The following RESF1 variants were observed in gnomAD, a reference collection of about 807,000 sequenced individuals.
RESF1 encodes the protein gonad expressed transcript.
RESF1 carries 65 observed loss-of-function variants against 134.7 expected under a neutral mutation model. The observed-to-expected ratio is 0.48, with a 90% confidence interval of 0.40 to 0.59. The LOEUF is 0.59. RESF1 is among the 20% of genes least tolerant of loss of function. The pLI, the probability that RESF1 is intolerant of heterozygous loss-of-function variation, is 0.00. For missense variants in RESF1, 2,274 were observed against 2,002.7 expected (o/e 1.14, Z -2.59); for synonymous variants, 762 against 702.2 (o/e 1.09, Z -1.35).
At chr12:31,966,617 C>T (rs1283226105) in intron 2 of RESF1, among the ~76,000 whole-genome samples, 1 of 152,110 alleles carries the variant, frequency 6.6e-6, no homozygotes, top group African/African-American at 2.4e-5. Flanking sequence ...TTTATTTCTC[C>T]CTTTTTTAGG....
chr12:31,979,142 G>C (rs980274881), intron 3 of RESF1, among the ~76,000 whole-genome samples: 4 of 151,946 alleles, frequency 2.6e-5, no homozygotes, highest in East Asian at 1.9e-4. Flanking sequence ...GGATGGTCTC[G>C]ATCTCCTGAC....
chr12:31,965,960 G>A (rs182263385), intron 2 of RESF1, among the ~76,000 whole-genome samples: 66 of 151,614 alleles, frequency 4.4e-4, no homozygotes, highest in Non-Finnish European at 7.4e-5. Flanking sequence ...GTCTTAATAT[G>A]GTTTGTACCC....
intron 4 of RESF1, 40 bp downstream of exon 4, chr12:31,985,997 A>G (rs1939965026): frequency 7.4e-7 from 1 of 1,344,964 alleles, no homozygotes; most frequent in African/African-American, 1.5e-5. Flanking sequence ...CAATATTGTA[A>G]AGAGTCGTAG....
In RESF1 at chr12:31,970,706, A is replaced by G. The variant is rs141471404; in HGVS notation, c.-79+350A>G. ...CTGATTAATGCATAACCTAACACTC[A>G]AAAGGGTGCTGCTTTATTTGTAAAT... On this transcript the variant is annotated intron_variant, in intron 3 of 5. Transcript: ENST00000312561. 2.8e-3 allele frequency among the ~76,000 whole-genome samples: 428 copies of G among 152,360 alleles called. 2 individuals are homozygous for G. The highest frequency in any genetic ancestry group is 0.01 in the African/African-American group (419 of 41,580).
intron 3 of RESF1, among the ~76,000 whole-genome samples, chr12:31,970,572 TTAAG>T (rs577235122): frequency 1.6e-3 from 237 of 152,360 alleles, no homozygotes; most frequent in African/African-American, 5.4e-3. Context: ...TTTGACAGTT[TTAAG>T]TAAACAAGCT....
At position 31,985,608 on chromosome 12, in the gene RESF1, T is replaced by TA. The variant is rs1939953486; in HGVS notation, c.4655dup (p.Thr1553AspfsTer2). 6.2e-7 allele frequency: 1 copy of TA among 1,605,382 alleles called. No individual in the cohort carries two copies. Among genetic ancestry groups the TA allele is most frequent in the Non-Finnish European group, 8.5e-7 (1 of 1,178,000 alleles). ...AGCAGCCTGATAAAATATGGATTGA[T>TA]AAGACTAAATTAGACAAATTAACCA... On this transcript the variant is annotated frameshift_variant, in exon 4 of 6. Transcript: ENST00000312561. LOFTEE classifies it high-confidence loss of function.
chr12:31,986,110 G>A (rs1307405351), intron 4 of RESF1, among the ~76,000 whole-genome samples, 153 bp downstream of exon 4: 1 of 152,088 alleles, frequency 6.6e-6, no homozygotes, highest in African/African-American at 2.4e-5. Context: ...GTAAACCAAT[G>A]TTTCATTGGG....
rs116674332 is a variant in RESF1 at position 31,961,526 on chromosome 12, C to T, written c.-247+655C>T. 8.0e-3 allele frequency among the ~76,000 whole-genome samples: 1,215 copies of T among 152,280 alleles called. 14 individuals carry two copies. The highest frequency in any genetic ancestry group is 0.028 in the African/African-American group (1,148 of 41,546). ...AACAGCTCCTGATGCATGGCAAGTG[C>T]CCAATAAATGTTAGCTATTGTCATG... On this transcript the variant is annotated intron_variant, in intron 2 of 5. Transcript: ENST00000312561.
At chr12:31,973,312 CTTTTT>C (rs112386514) in intron 3 of RESF1, among the ~76,000 whole-genome samples, 1 of 147,648 alleles carries the variant, frequency 6.8e-6, no homozygotes, top group African/African-American at 2.5e-5. Flanking sequence ...ATGGATTTGA[CTTTTT>C]TTTTTTTAAG....
chr12:31,984,955 C>A lies in RESF1; in HGVS notation c.4000C>A (p.Leu1334Ile), dbSNP rs1304412578. 10 of 1,613,032 alleles carry A rather than the reference C, an allele frequency of 6.2e-6. No individual in the cohort carries two copies. Among genetic ancestry groups the A allele is most frequent in the Non-Finnish European group, 7.6e-6 (9 of 1,179,762 alleles). Residue 1334 changes from leucine (L) to isoleucine (I), a missense_variant, in exon 4 of 6, where the codon CTA becomes ATA. Leu to Ile is a conservative substitution (Grantham distance 5). Coordinates refer to ENST00000312561, the MANE Select transcript of RESF1 (RefSeq NM_018169.4). ...KKHVTQNSRP[L>I]KTKTAFLPNK... The stretch of plus-strand genomic sequence containing the variant: ...ACATGTAACACAGAACTCACGTCCA[C>A]TAAAAACAAAAACAGCTTTTTTGCC...
At position 31,982,902 on chromosome 12, in the gene RESF1, T is replaced by C; in HGVS notation, c.1947T>C (p.Phe649=). ...GTGGCAGGGTTTTGGACAACTCCTT[T>C]TGCAGTGGACAAGAATCCTCAACAA... ...NVSGRVLDNS[F]CSGQESSTKG... is the part of the protein sequence containing the mutation. The change falls in exon 4 of 6, where the codon TTT becomes TTC. Residue 649 remains phenylalanine (F), a synonymous_variant. Transcript: ENST00000312561. 1.2e-6 allele frequency: 2 copies of C among 1,614,088 alleles called. No individual in the cohort carries two copies. Among genetic ancestry groups the C allele is most frequent in the South Asian group, 1.1e-5 (1 of 91,068 alleles).
chr12:31,967,750 A>C (rs1592251184), intron 2 of RESF1, among the ~76,000 whole-genome samples: 1 of 151,918 alleles, frequency 6.6e-6, no homozygotes, highest in Non-Finnish European at 1.5e-5. Context: ...GCTTGCTGCC[A>C]CCACCCAGCG....
intron 4 of RESF1, 63 bp downstream of exon 4, chr12:31,986,020 G>C (rs1041374131): frequency 8.9e-6 from 10 of 1,124,292 alleles, no homozygotes; most frequent in Admixed American, 6.7e-5. Context: ...CAATATTTGG[G>C]CTAGCACCTC....
rs777502281 is a variant in RESF1 at position 31,983,953 on chromosome 12, C to T, written c.2998C>T (p.His1000Tyr). ...RVILEKSSLE[H>Y]ATEKSTANDT... ...TATTCTAGAGAAAAGTAGTTTGGAG[C>T]ATGCCACTGAAAAAAGCACAGCTAA... The change falls in exon 4 of 6, where the codon CAT becomes TAT. Residue 1000 changes from histidine (H) to tyrosine (Y), a missense_variant. His to Tyr is a moderately conservative substitution (Grantham distance 83). Coordinates refer to ENST00000312561, the MANE Select transcript of RESF1 (RefSeq NM_018169.4). 3 of 1,613,456 alleles carry T rather than the reference C, an allele frequency of 1.9e-6. No homozygotes were observed. The highest frequency in any genetic ancestry group is 2.5e-6 in the Non-Finnish European group (3 of 1,179,832).
chr12:31,963,790 C>T (rs940488750), intron 2 of RESF1, among the ~76,000 whole-genome samples: 43 of 152,218 alleles, frequency 2.8e-4, no homozygotes, highest in African/African-American at 9.9e-4. Context: ...ATTCTGAACA[C>T]TTCATATAAT....
chr12:31,966,176 A>T (rs35407118), intron 2 of RESF1, among the ~76,000 whole-genome samples: 13,641 of 152,238 alleles, frequency 0.09, 743 homozygotes, highest in Non-Finnish European at 0.13. Flanking sequence ...TTGCAAAAAA[A>T]AAATCTCATA....
At chr12:31,962,255 A>C (rs886512307) in intron 2 of RESF1, among the ~76,000 whole-genome samples, 4 of 151,610 alleles carry the variant, frequency 2.6e-5, no homozygotes, top group Admixed American at 6.6e-5. Context: ...GTGAAGGTGA[A>C]TTTCAAGAAT....
intron 4 of RESF1, among the ~76,000 whole-genome samples, chr12:31,986,893 TTTGGATCC>T (rs1294094106): frequency 6.6e-6 from 1 of 152,192 alleles, no homozygotes; most frequent in Non-Finnish European, 1.5e-5. Flanking sequence ...GGTTCTTTCA[TTTGGATCC>T]TTGGAATTTG....
rs561875518 is a variant in RESF1 at position 31,959,440 on chromosome 12, G to T, written c.-393G>T. ...ACTTGACTTAAACTCTGGGGCCCGGGAGGCCGCCGGTTTTCTCCCCGCTTG... is the reference window on the plus strand; with the variant it reads ...ACTTGACTTAAACTCTGGGGCCCGGTAGGCCGCCGGTTTTCTCCCCGCTTG... On this transcript the variant is annotated 5_prime_UTR_variant, in exon 1 of 6. Transcript: ENST00000312561. 1.3e-5 allele frequency: 2 copies of T among 152,422 alleles called. No individual in the cohort carries two copies. Among genetic ancestry groups the T allele is most frequent in the Non-Finnish European group, 2.9e-5 (2 of 68,230 alleles). The allele number at this position is 152,422 out of a possible 1,614,324, so 9.4% of individuals were successfully genotyped here.
Sources: gnomAD v4.1 joint callset for allele counts (sites outside exome capture counted in the v4.1 genomes callset) on GRCh38, gnomAD v4.1.1 for gene constraint, MANE v1.5 for transcripts, NCBI Gene and HGNC (gene_info 2026-07-23, HGNC 2026-07-21) for gene names.